ANO3: variants seen among roughly 807,000 people sequenced by gnomAD.
The protein encoded by ANO3 is anoctamin 3.
A neutral mutation model predicts 144.8 loss-of-function variants in ANO3; 99 were observed. The observed-to-expected ratio is 0.68, with a 90% CI of 0.58 to 0.81. The LOEUF (loss-of-function observed/expected upper bound fraction) is 0.81. Among genes scored for constraint, ANO3 ranks in the 30% least tolerant of loss-of-function variants. The probability of loss-of-function intolerance (pLI) is 0.00; values close to 1 mark genes in which losing one functional copy is unlikely to be tolerated. For missense variants in ANO3, 905 were observed against 1,202.2 expected (o/e 0.75, Z 3.66); for synonymous variants, 414 against 392.6 (o/e 1.05, Z -0.64).
At chr11:26,288,188 G>A (rs1853852513) in intron 1 of ANO3, among the ~76,000 whole-genome samples, 1 of 152,198 alleles carries the variant, frequency 6.6e-6, no homozygotes, top group Admixed American at 6.5e-5. Context: ...ATAAGAGAAG[G>A]GTGGCTGGCG....
At chr11:26,506,075 A>C (rs1861424503) in intron 4 of ANO3, among the ~76,000 whole-genome samples, 1 of 152,012 alleles carries the variant, frequency 6.6e-6, no homozygotes, top group African/African-American at 2.4e-5. Context: ...ATTGTTAAAA[A>C]AAAGTGTCTG....
intron 4 of ANO3, among the ~76,000 whole-genome samples, chr11:26,491,833 T>G (rs950062460): frequency 2.6e-5 from 4 of 152,188 alleles, no homozygotes; most frequent in African/African-American, 9.7e-5. Flanking sequence ...GCCCTATAAT[T>G]TATAATTTTT....
intron 13 of ANO3, among the ~76,000 whole-genome samples, chr11:26,557,788 A>G (rs917702821): frequency 6.6e-5 from 10 of 152,246 alleles, no homozygotes; most frequent in Non-Finnish European, 1.0e-4. Context: ...TCCCATTTTC[A>G]TTCAGCAGCT....
At chr11:26,251,180 T>C (rs1460169146) in intron 1 of ANO3, among the ~76,000 whole-genome samples, 1 of 152,220 alleles carries the variant, frequency 6.6e-6, no homozygotes, top group Non-Finnish European at 1.5e-5. Context: ...GGACTGTATT[T>C]ATAAAACACA....
intron 1 of ANO3, among the ~76,000 whole-genome samples, chr11:26,256,995 T>G (rs1018834627): frequency 6.6e-6 from 1 of 152,004 alleles, no homozygotes; most frequent in South Asian, 2.1e-4. Flanking sequence ...AGCAAAAAAA[T>G]TATCCATCCC....
At position 26,394,639 on chromosome 11, in the gene ANO3, G is replaced by A. The variant is rs551911995; in HGVS notation, c.47-47279G>A. ...TTTGCCCAGACCGGAATACAGTGGC[G>A]TGATCACAGCTCACTGCAACCTCCG... On this transcript the variant is annotated intron_variant, in intron 1 of 26. Transcript: ENST00000256737. 3.0e-4 allele frequency among the ~76,000 whole-genome samples: 44 copies of A among 146,100 alleles called. 1 individual carries two copies. Among genetic ancestry groups the A allele is most frequent in the East Asian group, 4.1e-4 (2 of 4,908 alleles).
At chr11:26,626,004 T>C (rs1354109425) in intron 18 of ANO3, among the ~76,000 whole-genome samples, 1 of 152,210 alleles carries the variant, frequency 6.6e-6, no homozygotes, top group Non-Finnish European at 1.5e-5. Context: ...ATGTTAGAAA[T>C]ACTGCCCCTT....
Position 26,508,265 on chromosome 11 carries a change from A to T in ANO3, c.591+3A>T, listed in dbSNP as rs1437142747. The stretch of plus-strand genomic sequence containing the variant: ...AAGGCTTGATGTTGGAGAAGGAGGT[A>T]GGTGCTTTACTATTATTAGTTATGT... On this transcript the variant is annotated splice_donor_region_variant and intron_variant, in intron 5 of 26. Transcript: ENST00000256737. 6.3e-7 allele frequency: 1 copy of T among 1,586,892 alleles called. No individual in the cohort carries two copies. The highest frequency in any genetic ancestry group is 1.9e-5 in the Admixed American group (1 of 52,626).
intron 1 of ANO3, among the ~76,000 whole-genome samples, chr11:26,384,252 T>C (rs1342483914): frequency 6.6e-6 from 1 of 152,138 alleles, no homozygotes; most frequent in East Asian, 1.9e-4. Flanking sequence ...TATATATATG[T>C]GTATATGTAC....
At chr11:26,519,500 A>C (rs1861985226) in intron 6 of ANO3, among the ~76,000 whole-genome samples, 1 of 152,228 alleles carries the variant, frequency 6.6e-6, no homozygotes, top group Non-Finnish European at 1.5e-5. Flanking sequence ...ATTACCACAT[A>C]CTGGATGTCT....
chr11:26,497,071 TAC>T (rs1416003358), intron 4 of ANO3, among the ~76,000 whole-genome samples: 1 of 150,422 alleles, frequency 6.6e-6, no homozygotes, highest in African/African-American at 2.4e-5. Flanking sequence ...TCTATATATA[TAC>T]ACAGACACAC....
chr11:26,513,139 T>C (rs1475338772), intron 5 of ANO3, among the ~76,000 whole-genome samples: 1 of 151,998 alleles, frequency 6.6e-6, no homozygotes, highest in African/African-American at 2.4e-5. Context: ...ATGATGGAAG[T>C]GGAATGAGTG....
intron 1 of ANO3, among the ~76,000 whole-genome samples, chr11:26,246,856 T>C (rs11029422): frequency 0.013 from 1,907 of 152,294 alleles, 20 homozygotes; most frequent in Non-Finnish European, 0.021. Flanking sequence ...ATGTAAGATG[T>C]GCCTTTGCTC....
chr11:26,548,646 A>G (rs1849850564), intron 12 of ANO3, among the ~76,000 whole-genome samples: 1 of 152,020 alleles, frequency 6.6e-6, no homozygotes, highest in African/African-American at 2.4e-5. Context: ...TCCTAGAATT[A>G]AATCCTATTC....
rs140279398 is a variant in ANO3 at position 26,324,761 on chromosome 11, C to T, written c.-3+15042C>T. ...AAGAGCTGATGTTTCAATCTTGAGTCCAAAGGCAGTCTGGAAACATGTAAC... is the reference window on the plus strand; with the variant it reads ...AAGAGCTGATGTTTCAATCTTGAGTTCAAAGGCAGTCTGGAAACATGTAAC... On this transcript the variant is annotated intron_variant, in intron 1 of 26. Coordinates refer to the ANO3 transcript ENST00000525139. Among the ~76,000 whole-genome samples, 17 of 152,240 alleles carry T rather than the reference C, an allele frequency of 1.1e-4. No homozygotes were observed. The East Asian group carries it at 3.1e-3, about 28-fold the overall frequency.
chr11:26,261,645 A>G (rs1853192246), intron 1 of ANO3, among the ~76,000 whole-genome samples: 1 of 152,128 alleles, frequency 6.6e-6, no homozygotes, highest in Non-Finnish European at 1.5e-5. Context: ...TCCACAACCG[A>G]CAGTCACTAG....
chr11:26,579,027 A>G (rs1303849422), intron 14 of ANO3, among the ~76,000 whole-genome samples: 1 of 152,232 alleles, frequency 6.6e-6, no homozygotes, highest in Non-Finnish European at 1.5e-5. Flanking sequence ...CTCTTGCCCA[A>G]TTTATTAACT....
intron 14 of ANO3, chr11:26,572,229 G>T (rs1850857706): frequency 1.1e-5 from 11 of 985,382 alleles, no homozygotes; most frequent in Non-Finnish European, 1.3e-5. Context: ...GAGCGCCCAG[G>T]AACCTGACTG....
At chr11:26,507,994 A>G in intron 4 of ANO3, 110 bp from the exon 5 acceptor site, 1 of 959,592 alleles carries the variant, frequency 1.0e-6, no homozygotes, top group Non-Finnish European at 1.5e-6. Context: ...AGGAATATTA[A>G]AAATACATTT....
Sources: gnomAD v4.1 joint callset for allele counts (sites outside exome capture counted in the v4.1 genomes callset) on GRCh38, gnomAD v4.1.1 for gene constraint, MANE v1.5 for transcripts, NCBI Gene and HGNC (gene_info 2026-07-23, HGNC 2026-07-21) for gene names.